The following PCDHGA3 variants were observed in gnomAD, a reference collection of about 807,000 sequenced individuals.
PCDHGA3 encodes the protein protocadherin gamma subfamily A, 3.
Under a neutral mutation model 58.5 loss-of-function variants are expected in PCDHGA3, and 40 were observed. The ratio of observed to expected loss-of-function variants is 0.68; its 90% CI spans 0.53 to 0.89. The LOEUF (loss-of-function observed/expected upper bound fraction) is 0.89, where lower values mean the gene tolerates loss of function less well. Ranked by LOEUF, PCDHGA3 falls within the 40% of genes least tolerant of loss-of-function variation. PCDHGA3 has a pLI of 0.00. For synonymous variants in PCDHGA3, 530 were observed against 525.7 expected, an observed-to-expected ratio of 1.01 and a Z score of -0.11; for missense variants, 1,223 against 1,195.9, an observed-to-expected ratio of 1.02 and a Z score of -0.33.
intron 1 of PCDHGA3, chr5:141,356,647 G>T: frequency 1.9e-6 from 3 of 1,614,084 alleles, no homozygotes; most frequent in Non-Finnish European, 2.5e-6. Flanking sequence ...TGACAGTGGT[G>T]ACAATGCCCG....
chr5:141,414,180 A>G, intron 1 of PCDHGA3: 2 of 1,608,986 alleles, frequency 1.2e-6, no homozygotes, highest in Middle Eastern at 1.7e-4. Context: ...TTGCAACTGC[A>G]AAAGTGTTGA....
chr5:141,375,129 T>C (rs749288394), intron 1 of PCDHGA3: 4 of 1,613,890 alleles, frequency 2.5e-6, no homozygotes, highest in Non-Finnish European at 2.5e-6. Context: ...GAAGTGGTTG[T>C]TACATCTGGA....
chr5:141,344,777 T>G lies in PCDHGA3; in HGVS notation c.744T>G (p.Arg248=). ...NPPMFTQPEY[R]VSVWENVPVG... is the part of the protein sequence containing the mutation. ...CAATGTTTACTCAGCCTGAGTACCG[T>G]GTGAGTGTTTGGGAGAACGTGCCTG... The change falls in exon 1 of 4, where the codon CGT becomes CGG. Residue 248 remains arginine, a synonymous_variant. Coordinates refer to ENST00000253812, the MANE Select transcript of PCDHGA3 (RefSeq NM_018916.4). 1 of 1,613,952 alleles carries G rather than the reference T, an allele frequency of 6.2e-7. No homozygotes were observed. The highest frequency in any genetic ancestry group is 1.7e-5 in the Admixed American group (1 of 60,020).
chr5:141,388,906 A>ACG (rs890479246), intron 1 of PCDHGA3: 2 of 1,614,016 alleles, frequency 1.2e-6, no homozygotes, highest in Admixed American at 3.3e-5. Flanking sequence ...GAAAATGACA[A>ACG]CGCCCCAGAA....
chr5:141,497,466 G>T (rs1047422582), intron 2 of PCDHGA3, among the ~76,000 whole-genome samples: 2 of 152,020 alleles, frequency 1.3e-5, no homozygotes, highest in African/African-American at 4.8e-5. Flanking sequence ...TGGAGATATG[G>T]AGGAGAAGGT....
chr5:141,349,189 C>A (rs989976647), intron 1 of PCDHGA3, among the ~76,000 whole-genome samples: 2 of 152,100 alleles, frequency 1.3e-5, no homozygotes, highest in African/African-American at 4.8e-5. Flanking sequence ...GCTGCCTCAA[C>A]CTCCCGAGTA....
intron 1 of PCDHGA3, chr5:141,393,996 G>C (rs1379037065): frequency 3.1e-6 from 5 of 1,613,290 alleles, no homozygotes; most frequent in East Asian, 2.2e-5. Flanking sequence ...TTTTAAATTA[G>C]AAAAGTCAAT....
intron 1 of PCDHGA3, chr5:141,418,347 G>C: frequency 6.2e-7 from 1 of 1,614,024 alleles, no homozygotes; most frequent in Non-Finnish European, 8.5e-7. Context: ...CCTGATATTA[G>C]TATGAATTCG....
chr5:141,475,550 T>G (rs2099365082), intron 1 of PCDHGA3, among the ~76,000 whole-genome samples: 1 of 152,246 alleles, frequency 6.6e-6, no homozygotes, highest in Non-Finnish European at 1.5e-5. Flanking sequence ...AGGGTCCGGC[T>G]AATTGTCTGT....
intron 1 of PCDHGA3, chr5:141,478,644 T>C (rs1217932733): frequency 6.4e-7 from 1 of 1,552,238 alleles, no homozygotes. Flanking sequence ...GATGAAGATG[T>C]TTTCCTGGTG....
intron 1 of PCDHGA3, chr5:141,365,681 A>T: frequency 6.2e-7 from 1 of 1,613,224 alleles, no homozygotes. Flanking sequence ...CAACCCACCC[A>T]ATTTCCCTCA....
At chr5:141,375,821 C>A (rs1472171329) in intron 1 of PCDHGA3, 6 of 1,614,074 alleles carry the variant, frequency 3.7e-6, no homozygotes, top group Non-Finnish European at 5.1e-6. Flanking sequence ...GCTGGCGCCC[C>A]GCTCCGCAGA....
chr5:141,370,895 G>A lies in PCDHGA3; in HGVS notation c.2424+24438G>A, dbSNP rs574834175. 79 of 1,614,032 alleles carry A rather than the reference G, an allele frequency of 4.9e-5. 1 individual carries two copies. In the East Asian group the frequency reaches 1.7e-3, roughly 34 times the overall value. On this transcript the variant is annotated intron_variant, in intron 1 of 3. Transcript: ENST00000253812. ...ATCCTGATGTAGGTGTCAATTCGCT[G>A]CAGCAGTACTACCTCAGCCCTGATC...
intron 1 of PCDHGA3, chr5:141,409,257 T>C: frequency 6.2e-7 from 1 of 1,614,022 alleles, no homozygotes; most frequent in Non-Finnish European, 8.5e-7. Flanking sequence ...ATCACTTCTC[T>C]CTCTGATCAG....
intron 1 of PCDHGA3, chr5:141,433,169 C>T: frequency 6.2e-7 from 1 of 1,613,000 alleles, no homozygotes; most frequent in Non-Finnish European, 8.5e-7. Context: ...TAAAGACAGT[C>T]ATGGGTTAAT....
chr5:141,425,243 G>T (rs2096863760), intron 1 of PCDHGA3, among the ~76,000 whole-genome samples: 1 of 152,132 alleles, frequency 6.6e-6, no homozygotes, highest in Non-Finnish European at 1.5e-5. Flanking sequence ...AAATAAAAAG[G>T]ATATGAGGTA....
At chr5:141,394,199 A>T (rs1353569032) in intron 1 of PCDHGA3, 1 of 1,613,840 alleles carries the variant, frequency 6.2e-7, no homozygotes, top group Non-Finnish European at 8.5e-7. Context: ...CGTATATCCT[A>T]GAGAACAACC....
chr5:141,419,621 G>T, intron 1 of PCDHGA3: 2 of 1,612,306 alleles, frequency 1.2e-6, no homozygotes, highest in Non-Finnish European at 1.7e-6. Context: ...AGGCTACCTG[G>T]TGACCAAGGT....
Position 141,423,519 on chromosome 5 carries a change from G to A in PCDHGA3, c.2425-71288G>A, listed in dbSNP as rs758742300. On this transcript the variant is annotated intron_variant, in intron 1 of 3. Coordinates refer to ENST00000253812, the MANE Select transcript of PCDHGA3 (RefSeq NM_018916.4). ...ACGAGGTCTCTCTCATTGCGGACTC[G>A]CAGAAGAGTCACCTGATTTTCCCCC... 8.1e-6 allele frequency: 13 copies of A among 1,613,752 alleles called. 1 individual carries two copies. In the South Asian group the frequency reaches 1.1e-4, roughly 14 times the overall value.
Sources: gnomAD v4.1 joint callset for allele counts (sites outside exome capture counted in the v4.1 genomes callset) on GRCh38, gnomAD v4.1.1 for gene constraint, MANE v1.5 for transcripts, NCBI Gene and HGNC (gene_info 2026-07-23, HGNC 2026-07-21) for gene names.